NRXN1: variants seen among roughly 807,000 people sequenced by gnomAD.
The protein encoded by NRXN1 is neurexin-1.
NRXN1 carries 39 observed loss-of-function variants against 150.9 expected under a neutral mutation model. That is an observed-to-expected ratio of 0.26 (90% confidence interval 0.20 to 0.34). NRXN1 has a LOEUF of 0.34. Ranked by LOEUF, NRXN1 falls within the 10% of genes least tolerant of loss-of-function variation. The probability of loss-of-function intolerance (pLI) is 1.00; values close to 1 mark genes in which losing one functional copy is unlikely to be tolerated. For synonymous variants in NRXN1, 924 were observed against 757.0 expected (o/e 1.22, Z -3.62); for missense variants, 1,815 against 1,949.9 (o/e 0.93, Z 1.30).
Position 50,228,378 on chromosome 2 carries a change from C to T in NRXN1, c.3546+8411G>A, listed in dbSNP as rs145259598. Among the ~76,000 whole-genome samples the T allele has an allele frequency of 1.3e-4, 20 of 151,970 alleles. No homozygotes were observed. The East Asian group carries it at 3.5e-3, about 27-fold the overall frequency. On this transcript the variant is annotated intron_variant, in intron 18 of 22. Coordinates refer to ENST00000401669, the MANE Select transcript of NRXN1 (RefSeq NM_001330078.2). ...GACATGGTAGCAATTCGGTGACAAA[C>T]TGATTAGATTGTAAAGGCAAGCACG...
At chr2:50,565,632 A>T (rs1269537933) in intron 8 of NRXN1, among the ~76,000 whole-genome samples, 1 of 152,230 alleles carries the variant, frequency 6.6e-6, no homozygotes, top group Non-Finnish European at 1.5e-5. Context: ...TAGGATGAGA[A>T]AAAACAATGG....
rs145880148 is a variant in NRXN1 at position 50,582,625 on chromosome 2, G to T, written c.1321-29600C>A. Among the ~76,000 whole-genome samples, 699 of 150,648 alleles carry T rather than the reference G, an allele frequency of 4.6e-3. 5 individuals are homozygous for T. The highest frequency in any genetic ancestry group is 0.016 in the African/African-American group (650 of 40,890). On this transcript the variant is annotated intron_variant, in intron 8 of 22. Coordinates refer to ENST00000401669, the MANE Select transcript of NRXN1 (RefSeq NM_001330078.2). ...AAACTAGCACATAAACATAGGCTACGTAGCATCTCTGTTCTTTATTAACCA... is the reference window on the plus strand; with the variant it reads ...AAACTAGCACATAAACATAGGCTACTTAGCATCTCTGTTCTTTATTAACCA...
At chr2:50,629,223 A>G (rs1681784504) in intron 5 of NRXN1, among the ~76,000 whole-genome samples, 1 of 151,774 alleles carries the variant, frequency 6.6e-6, no homozygotes, top group African/African-American at 2.4e-5. Flanking sequence ...TACTGAAATA[A>G]CAACCAATAA....
intron 19 of NRXN1, among the ~76,000 whole-genome samples, chr2:50,057,993 A>C (rs1203764864): frequency 2.0e-5 from 3 of 152,156 alleles, no homozygotes; most frequent in Admixed American, 6.5e-5. Flanking sequence ...AGGTCTAAAC[A>C]AGACAGGTAG....
chr2:50,639,460 A>C (rs1429179534), intron 5 of NRXN1, among the ~76,000 whole-genome samples: 1 of 151,796 alleles, frequency 6.6e-6, no homozygotes, highest in Non-Finnish European at 1.5e-5. Context: ...ACCTCAAGTG[A>C]TCTGCCTGTC....
intron 19 of NRXN1, among the ~76,000 whole-genome samples, chr2:50,062,992 G>A (rs901752674): frequency 7.9e-5 from 12 of 152,148 alleles, no homozygotes; most frequent in Non-Finnish European, 1.6e-4. Context: ...AAACACAAAA[G>A]GATTCTGAAA....
chr2:50,131,279 G>A (rs769569673), intron 18 of NRXN1, among the ~76,000 whole-genome samples: 2 of 152,100 alleles, frequency 1.3e-5, no homozygotes, highest in Non-Finnish European at 2.9e-5. Context: ...ATCTTAAAAG[G>A]CTAGTGTTTC....
intron 2 of NRXN1, among the ~76,000 whole-genome samples, chr2:50,932,789 C>CT (rs922818964): frequency 6.6e-6 from 1 of 151,854 alleles, no homozygotes; most frequent in Non-Finnish European, 1.5e-5. Flanking sequence ...ACTGGTATCA[C>CT]TTTTTTTTCT....
At chr2:50,752,889 T>TC (rs1480033226) in intron 5 of NRXN1, among the ~76,000 whole-genome samples, 1 of 152,082 alleles carries the variant, frequency 6.6e-6, no homozygotes, top group Admixed American at 6.6e-5. Flanking sequence ...AATGAATGAC[T>TC]CTATGTTCCT....
chr2:50,390,335 C>T (rs1009348519), intron 17 of NRXN1, among the ~76,000 whole-genome samples: 1 of 151,928 alleles, frequency 6.6e-6, no homozygotes, highest in Admixed American at 6.6e-5. Flanking sequence ...AGGGAAGTCC[C>T]CTTTGTACAT....
At chr2:50,898,737 C>T (rs1682427999) in intron 5 of NRXN1, 2 of 299,084 alleles carry the variant, frequency 6.7e-6, no homozygotes, top group East Asian at 1.1e-4. Flanking sequence ...GAAATGAATG[C>T]TTTGAAAATA....
chr2:50,997,362 T>C (rs981456760), intron 2 of NRXN1, among the ~76,000 whole-genome samples: 1 of 151,982 alleles, frequency 6.6e-6, no homozygotes, highest in Non-Finnish European at 1.5e-5. Context: ...TAAGACCATA[T>C]TTGAAAACAA....
intron 2 of NRXN1, among the ~76,000 whole-genome samples, chr2:50,967,075 G>T (rs1646145054): frequency 6.6e-6 from 1 of 151,820 alleles, no homozygotes; most frequent in Non-Finnish European, 1.5e-5. Context: ...AATAAAAGTT[G>T]TTTTAAGTAA....
At chr2:49,931,348 C>T (rs1372289453) in intron 22 of NRXN1, among the ~76,000 whole-genome samples, 1 of 152,050 alleles carries the variant, frequency 6.6e-6, no homozygotes, top group Non-Finnish European at 1.5e-5. Context: ...GAAAATACTG[C>T]ATTTGCTTTC....
At chr2:50,521,625 C>T (rs2092791507) in intron 12 of NRXN1, among the ~76,000 whole-genome samples, 1 of 152,176 alleles carries the variant, frequency 6.6e-6, no homozygotes, top group Non-Finnish European at 1.5e-5. Flanking sequence ...AAGAGCCTTG[C>T]CCACTTGACT....
rs994155010 is a variant in NRXN1 at position 50,497,558 on chromosome 2, T to C, written c.2654A>G (p.Asn885Ser). Residue 885 changes from asparagine (N) to serine (S), a missense_variant, in exon 14 of 23, where the codon AAT becomes AGT. By Grantham distance (46) the Asn-to-Ser change is conservative (BLOSUM62 1). Transcript: ENST00000401669. ...NGMAYIDLCK[N>S]GDIDYCELNA... ...AAGCTCACAGTAATCTATGTCGCCA[T>C]TTTTACACAGGTCAATGTATGCCAT... The C allele has an allele frequency of 6.2e-7, 1 of 1,613,880 alleles. No homozygotes were observed. The highest frequency in any genetic ancestry group is 1.7e-5 in the Admixed American group (1 of 60,002).
intron 21 of NRXN1, among the ~76,000 whole-genome samples, chr2:50,029,308 T>TA (rs1242795820): frequency 6.6e-6 from 1 of 152,204 alleles, no homozygotes; most frequent in East Asian, 1.9e-4. Context: ...TCACCCAGTT[T>TA]ATACCATTTT....
chr2:50,459,969 T>C, intron 17 of NRXN1, among the ~76,000 whole-genome samples: 1 of 152,064 alleles, frequency 6.6e-6, no homozygotes, highest in East Asian at 1.9e-4. Context: ...TAAACACGGA[T>C]ATATAATGCA....
chr2:50,979,437 C>G (rs1229777110), intron 2 of NRXN1, among the ~76,000 whole-genome samples: 1 of 152,012 alleles, frequency 6.6e-6, no homozygotes, highest in East Asian at 1.9e-4. Flanking sequence ...GACATGAAAC[C>G]AGGACAAGAA....
Sources: allele counts gnomAD v4.1 joint callset (sites outside exome capture counted in the v4.1 genomes callset), GRCh38; gene constraint gnomAD v4.1.1; transcripts MANE v1.5; gene names NCBI Gene and HGNC (gene_info 2026-07-23, HGNC 2026-07-21).